NTRK2: variants seen among roughly 807,000 people sequenced by gnomAD.
NTRK2 encodes the protein neurotrophic receptor tyrosine kinase 2.
A neutral mutation model predicts 94.5 loss-of-function variants in NTRK2; 13 were observed. That is an observed-to-expected ratio of 0.14 (90% CI 0.09 to 0.22). NTRK2 has a LOEUF of 0.22. NTRK2 is among the 10% of genes least tolerant of loss of function. The pLI, the probability that NTRK2 is intolerant of heterozygous loss-of-function variation, is 1.00. For synonymous variants in NTRK2, 372 were observed against 407.4 expected, an observed-to-expected ratio of 0.91 and a Z score of 1.05; for missense variants, 639 against 1,071.2, an observed-to-expected ratio of 0.60 and a Z score of 5.63.
At chr9:84,737,311 G>T (rs2063330301) in intron 9 of NTRK2, among the ~76,000 whole-genome samples, 1 of 152,010 alleles carries the variant, frequency 6.6e-6, no homozygotes, top group Non-Finnish European at 1.5e-5. Flanking sequence ...TAACTATAGA[G>T]TCTTAACAGT....
chr9:84,782,037 AACAC>A (rs58851217), intron 12 of NTRK2, among the ~76,000 whole-genome samples: 3,149 of 149,626 alleles, frequency 0.021, 59 homozygotes, highest in Middle Eastern at 0.09. Flanking sequence ...CCTCCAAGAA[AACAC>A]ACACACACAC....
intron 12 of NTRK2, among the ~76,000 whole-genome samples, chr9:84,816,675 A>G (rs1447659577): frequency 6.8e-6 from 1 of 147,952 alleles, no homozygotes; most frequent in African/African-American, 2.5e-5. Context: ...CCTATTCAGG[A>G]GGCTGAGGCA....
intron 12 of NTRK2, among the ~76,000 whole-genome samples, chr9:84,841,531 C>T (rs555327144): frequency 4.6e-5 from 7 of 152,264 alleles, no homozygotes; most frequent in Admixed American, 6.5e-5. Flanking sequence ...CCCTGGGCAC[C>T]GTACTCTCTC....
chr9:84,964,596 C>T (rs899025740), intron 17 of NTRK2, among the ~76,000 whole-genome samples: 2 of 152,180 alleles, frequency 1.3e-5, no homozygotes, highest in Non-Finnish European at 2.9e-5. Context: ...GTCCTTTCAA[C>T]GCTAGCCACT....
rs2062555586 is a variant in NTRK2, at chr9:84,727,592, A to G, written c.854-62A>G. ...AAAATTCCCTATCAATGACACAGAC[A>G]TCTCGAGATGGGGAGAATTCTGAGC... On this transcript the variant is annotated intron_variant, in intron 8 of 18. Transcript: ENST00000277120. The G allele has an allele frequency of 2.7e-6, 4 of 1,499,702 alleles. No homozygotes were observed. The South Asian group carries it at 3.5e-5, about 13-fold the overall frequency. 92.9% of individuals were successfully genotyped at this position (1,499,702 alleles called of 1,614,324 possible).
chr9:84,833,600 A>T (rs2073700078), intron 12 of NTRK2, among the ~76,000 whole-genome samples: 1 of 148,568 alleles, frequency 6.7e-6, no homozygotes, highest in Non-Finnish European at 1.5e-5. Flanking sequence ...AAAGAGAAAA[A>T]GAAAGAAAAG....
At chr9:85,015,001 A>G (rs1032631429) in intron 17 of NTRK2, among the ~76,000 whole-genome samples, 1 of 152,158 alleles carries the variant, frequency 6.6e-6, no homozygotes, top group Non-Finnish European at 1.5e-5. Context: ...TGCCTCAGAC[A>G]TTGTTCTGAT....
intron 17 of NTRK2, among the ~76,000 whole-genome samples, chr9:84,973,183 C>G (rs1265258747): frequency 6.6e-6 from 1 of 152,152 alleles, no homozygotes; most frequent in African/African-American, 2.4e-5. Context: ...AGCTTTGAAG[C>G]ACAGCTCACT....
chr9:84,736,061 G>A (rs1440888819), intron 9 of NTRK2, among the ~76,000 whole-genome samples: 1 of 152,200 alleles, frequency 6.6e-6, no homozygotes, highest in Non-Finnish European at 1.5e-5. Flanking sequence ...ATGCAAAGTA[G>A]ATTCTGTTCA....
chr9:84,853,802 C>G (rs1164783248), intron 12 of NTRK2, among the ~76,000 whole-genome samples: 1 of 152,150 alleles, frequency 6.6e-6, no homozygotes, highest in Non-Finnish European at 1.5e-5. Context: ...CTTCTCTGGT[C>G]TGGGGGTGGT....
At chr9:84,815,856 C>A in intron 12 of NTRK2, 2 of 582,578 alleles carry the variant, frequency 3.4e-6, no homozygotes, top group Non-Finnish European at 4.3e-6. Flanking sequence ...AGGGGAGTAC[C>A]AGGCCCATTT....
intron 9 of NTRK2, among the ~76,000 whole-genome samples, chr9:84,739,791 G>A (rs1254702351): frequency 1.3e-5 from 2 of 152,190 alleles, no homozygotes; most frequent in African/African-American, 4.8e-5. Context: ...GGCTGGGAGT[G>A]TCCCCGTTTT....
At chr9:84,708,310 A>T (rs999387729) in intron 5 of NTRK2, among the ~76,000 whole-genome samples, 2 of 152,174 alleles carry the variant, frequency 1.3e-5, no homozygotes, top group East Asian at 3.8e-4. Flanking sequence ...TTCAAGGAGG[A>T]AATAAAAATG....
At chr9:84,791,751 G>A (rs1169782514) in intron 12 of NTRK2, among the ~76,000 whole-genome samples, 1 of 152,202 alleles carries the variant, frequency 6.6e-6, no homozygotes. Context: ...ACACCCTAGA[G>A]ATTAGAATCT....
chr9:84,934,042 CTG>C (rs2078131168), intron 14 of NTRK2, 118 bp from the exon 15 acceptor site: 9 of 1,099,242 alleles, frequency 8.2e-6, no homozygotes, highest in Non-Finnish European at 1.2e-5. Context: ...CTTCGGTTCA[CTG>C]TGCACAGAGG....
Position 84,670,531 on chromosome 9 carries a change from G to C in NTRK2, c.-218G>C, listed in dbSNP as rs1227605611. 1 of 587,352 alleles carries C rather than the reference G, an allele frequency of 1.7e-6. No homozygotes were observed. The highest frequency in any genetic ancestry group is 1.9e-5 in the African/African-American group (1 of 53,666). The allele number at this position is 587,352 out of a possible 1,614,324, so 36.4% of individuals were successfully genotyped here. A position where few individuals can be genotyped will look rare whatever the true frequency, so the allele number is the denominator to read the frequency against. On this transcript the variant is annotated 5_prime_UTR_variant, in exon 2 of 19. Transcript: ENST00000277120. ...CAGCGGTAGCGCCCCCCTGTAAAGC[G>C]GTTCGCTATGCCGGGGCCACTGTGA... is the stretch of plus-strand genomic sequence containing the variant.
chr9:84,670,110 T>C (rs1378536226), intron 1 of NTRK2, among the ~76,000 whole-genome samples: 1 of 151,928 alleles, frequency 6.6e-6, no homozygotes, highest in African/African-American at 2.4e-5. Flanking sequence ...GCCCGGCCTG[T>C]ACCATGGAAT....
intron 12 of NTRK2, chr9:84,814,811 G>A (rs1051614821): frequency 4.7e-6 from 5 of 1,063,942 alleles, no homozygotes; most frequent in African/African-American, 3.3e-5. Context: ...CATGGGCAGG[G>A]CCAGTCACAT....
intron 9 of NTRK2, among the ~76,000 whole-genome samples, chr9:84,735,315 A>T (rs771822298): frequency 1.3e-5 from 2 of 152,062 alleles, no homozygotes; most frequent in Non-Finnish European, 2.9e-5. Flanking sequence ...CACATACCAA[A>T]CTCCTGGGGA....
Sources: gnomAD v4.1 joint callset for allele counts (sites outside exome capture counted in the v4.1 genomes callset) on GRCh38, gnomAD v4.1.1 for gene constraint, MANE v1.5 for transcripts, NCBI Gene and HGNC (gene_info 2026-07-23, HGNC 2026-07-21) for gene names.